The following BLTP1 variants were observed in gnomAD, a reference collection of about 807,000 sequenced individuals.
The protein encoded by BLTP1 is fragile site-associated protein.
the BLTP1 span, chr4:122,304,940 A>G: frequency 2.5e-6 from 4 of 1,613,962 alleles, no homozygotes; most frequent in Non-Finnish European, 3.4e-6. Flanking sequence ...GGCAAATGCC[A>G]GGTGGATTTA....
chr4:122,184,177 A>G, the BLTP1 span, among the ~76,000 whole-genome samples: 2 of 152,242 alleles, frequency 1.3e-5, no homozygotes, highest in Non-Finnish European at 2.9e-5. Context: ...AATCAAAGGC[A>G]GAAATATTGG....
At chr4:122,282,553 A>G in the BLTP1 span, among the ~76,000 whole-genome samples, 1 of 152,156 alleles carries the variant, frequency 6.6e-6, no homozygotes, top group African/African-American at 2.4e-5. Flanking sequence ...GAGGCAGGAG[A>G]ATCGCTTGAA....
At chr4:122,187,817 T>C in the BLTP1 span, 1 of 1,421,046 alleles carries the variant, frequency 7.0e-7, no homozygotes, top group Admixed American at 2.7e-5. Flanking sequence ...ATGTTTGTTA[T>C]TAGTTTAGCT....
chr4:122,237,514 T>C, the BLTP1 span: 5 of 462,192 alleles, frequency 1.1e-5, no homozygotes, highest in African/African-American at 2.1e-5. Context: ...GGGAAAATGC[T>C]TAAAATAAGT....
the BLTP1 span, chr4:122,154,223 T>C: frequency 2.7e-6 from 2 of 737,180 alleles, no homozygotes; most frequent in Non-Finnish European, 3.2e-6. Flanking sequence ...TTGCCCAGGC[T>C]GGAGTGCAGT....
chr4:122,272,454 G>C, the BLTP1 span: 3 of 1,430,304 alleles, frequency 2.1e-6, no homozygotes, highest in African/African-American at 4.3e-5. Context: ...AATAATTAGT[G>C]CTACTTCTCT....
chr4:122,202,983 A>G, the BLTP1 span, among the ~76,000 whole-genome samples: 2 of 151,974 alleles, frequency 1.3e-5, no homozygotes, highest in Non-Finnish European at 2.9e-5. Flanking sequence ...ACAACTAACA[A>G]TTGGTCATAT....
the BLTP1 span, chr4:122,352,817 G>C: frequency 6.5e-7 from 1 of 1,527,196 alleles, no homozygotes; most frequent in Non-Finnish European, 8.8e-7. Context: ...TGAGACTGTA[G>C]AAAGTAGCCA....
chr4:122,324,446 A>C, the BLTP1 span: 3 of 1,610,168 alleles, frequency 1.9e-6, no homozygotes, highest in Non-Finnish European at 2.5e-6. Context: ...CTAAAGGATA[A>C]GTGGGGTTTG....
At chr4:122,280,544 TC>T in the BLTP1 span, among the ~76,000 whole-genome samples, 1 of 151,526 alleles carries the variant, frequency 6.6e-6, no homozygotes, top group African/African-American at 2.4e-5. Context: ...GCATCTGTAA[TC>T]CCAACTACTT....
the BLTP1 span, chr4:122,181,234 TG>T: frequency 2.1e-6 from 2 of 943,876 alleles, no homozygotes; most frequent in South Asian, 9.8e-5. Flanking sequence ...ACAAATTAGA[TG>T]CGTTCTTTTT....
the BLTP1 span, chr4:122,182,841 C>T: frequency 6.4e-5 from 63 of 984,508 alleles, no homozygotes; most frequent in Non-Finnish European, 7.4e-5. Flanking sequence ...TTTTAAATCC[C>T]TCTCCCAGCT....
chr4:122,243,780 C>T, the BLTP1 span: 2 of 1,394,494 alleles, frequency 1.4e-6, no homozygotes, highest in South Asian at 1.9e-5. Context: ...TGCATGTGTT[C>T]ACTCATCTTA....
chr4:122,331,210 T>C, the BLTP1 span: 1 of 1,433,834 alleles, frequency 7.0e-7, no homozygotes, highest in Non-Finnish European at 9.1e-7. Flanking sequence ...TCATGTGAAT[T>C]TACAAAATAG....
chr4:122,306,182 A>G, the BLTP1 span: 45 of 820,850 alleles, frequency 5.5e-5, no homozygotes, highest in Non-Finnish European at 7.1e-5. Context: ...GTATCCAAAA[A>G]AAAAATCTTG....
chr4:122,301,262 T>TAAA, the BLTP1 span: 4 of 1,345,550 alleles, frequency 3.0e-6, no homozygotes, highest in African/African-American at 1.6e-5. Flanking sequence ...TTTTTTTCTT[T>TAAA]AAAAAAAAAA....
At chr4:122,244,588 G>C in the BLTP1 span, 1 of 913,070 alleles carries the variant, frequency 1.1e-6, no homozygotes, top group Non-Finnish European at 1.3e-6. Context: ...ATAAAAATGA[G>C]AATGGAACAT....
At chr4:122,220,168 C>G in the BLTP1 span, 2 of 301,866 alleles carry the variant, frequency 6.6e-6, no homozygotes, top group Non-Finnish European at 9.8e-6. Flanking sequence ...GTGCAGCTAA[C>G]GATCCTACTG....
the BLTP1 span, chr4:122,224,256 A>G: frequency 2.8e-6 from 1 of 355,494 alleles, no homozygotes; most frequent in Non-Finnish European, 3.9e-6. Context: ...TCTGTCTACT[A>G]TTTAAGACTC....
Sources: gnomAD v4.1 joint callset for allele counts (sites outside exome capture counted in the v4.1 genomes callset) on GRCh38, gnomAD v4.1.1 for gene constraint, MANE v1.5 for transcripts, NCBI Gene and HGNC (gene_info 2026-07-23, HGNC 2026-07-21) for gene names.